The following ZMPSTE24 variants were observed in gnomAD, a reference collection of about 807,000 sequenced individuals.
ZMPSTE24 encodes CAAX prenyl protease 1 homolog.
A neutral mutation model predicts 56.7 loss-of-function variants in ZMPSTE24; 48 were observed. That is an observed-to-expected ratio of 0.85 (90% CI 0.67 to 1.08). ZMPSTE24 has a LOEUF of 1.08. ZMPSTE24 is among the 50% of genes least tolerant of loss of function. ZMPSTE24 has a pLI of 0.00. For missense variants in ZMPSTE24, 503 were observed against 548.7 expected, an observed-to-expected ratio of 0.92 and a Z score of 0.83; for synonymous variants, 172 against 195.2, an observed-to-expected ratio of 0.88 and a Z score of 0.99.
chr1:40,285,784 A>C, intron 7 of ZMPSTE24, 141 bp from the exon 8 acceptor site: 1 of 646,868 alleles, frequency 1.5e-6, no homozygotes, highest in Non-Finnish European at 2.7e-6. Flanking sequence ...GGTTCAGGGA[A>C]TGTTTTGTTA....
chr1:40,260,079 T>A (rs1276454587), intron 1 of ZMPSTE24, among the ~76,000 whole-genome samples: 2 of 147,380 alleles, frequency 1.4e-5, no homozygotes, highest in African/African-American at 2.5e-5. Flanking sequence ...TTTTTTTTTT[T>A]AAGGAGATAG....
At chr1:40,284,019 A>G (rs1569656028) in intron 7 of ZMPSTE24, among the ~76,000 whole-genome samples, 3 of 145,462 alleles carry the variant, frequency 2.1e-5, no homozygotes, top group Admixed American at 6.9e-5. Flanking sequence ...GCTCATTGCA[A>G]CCTCCTCCCG....
chr1:40,287,107 T>C lies in ZMPSTE24; in HGVS notation c.1059+1078T>C, dbSNP rs146848562. Among the ~76,000 whole-genome samples the C allele has an allele frequency of 4.2e-3, 634 of 151,184 alleles. 8 individuals carry two copies. The highest frequency in any genetic ancestry group is 0.015 in the African/African-American group (618 of 41,238). ...TTTGAAATGGGGTCTCTCTCTGTCG[T>C]CCAGGCTAGAATGCAGTGGCGTGAT... On this transcript the variant is annotated intron_variant, in intron 8 of 9. Coordinates refer to ENST00000372759, the MANE Select transcript of ZMPSTE24 (RefSeq NM_005857.5).
chr1:40,288,243 TG>T (rs747364707), intron 8 of ZMPSTE24, among the ~76,000 whole-genome samples: 2 of 152,224 alleles, frequency 1.3e-5, no homozygotes, highest in Non-Finnish European at 2.9e-5. Flanking sequence ...TGTGAACTCC[TG>T]TGGGCACTTT....
intron 2 of ZMPSTE24, among the ~76,000 whole-genome samples, chr1:40,262,333 T>TGCTCTCAA (rs1643505540): frequency 6.6e-6 from 1 of 152,210 alleles, no homozygotes; most frequent in Non-Finnish European, 1.5e-5. Context: ...TTAGAAAAAT[T>TGCTCTCAA]AATAAATGAT....
chr1:40,260,769 A>T (rs879468471), intron 1 of ZMPSTE24, 70 bp from the exon 2 acceptor site: 4 of 1,521,218 alleles, frequency 2.6e-6, no homozygotes, highest in Middle Eastern at 3.4e-4. Context: ...AAACCATTCG[A>T]TGTTTGATCA....
chr1:40,290,547 G>T, intron 8 of ZMPSTE24: 1 of 250,334 alleles, frequency 4.0e-6, no homozygotes, highest in Non-Finnish European at 7.3e-6. Flanking sequence ...TGCAAGCTCC[G>T]CCTCCCGGGT....
rs1569673664 is a variant in ZMPSTE24 at position 40,293,600 on chromosome 1, A to C, written c.*931A>C. On this transcript the variant is annotated 3_prime_UTR_variant, in exon 10 of 10. Coordinates refer to ENST00000372759, the MANE Select transcript of ZMPSTE24 (RefSeq NM_005857.5). ...GATGAATCTCTGTGACATTACAGGGAAAAAAATATAGTTTTCTATCTCTTT... is the reference window on the plus strand; with the variant it reads ...GATGAATCTCTGTGACATTACAGGGCAAAAAATATAGTTTTCTATCTCTTT... The C allele has an allele frequency of 6.6e-6, 1 of 152,160 alleles. No individual in the cohort carries two copies. The highest frequency in any genetic ancestry group is 2.1e-4 in the South Asian group (1 of 4,832). 9.4% of individuals were successfully genotyped at this position (152,160 alleles called of 1,614,324 possible). A position where few individuals can be genotyped will look rare whatever the true frequency, so the allele number is the denominator to read the frequency against.
rs772706093 is a variant in ZMPSTE24, at chr1:40,258,244, C to G, written c.-28C>G. On this transcript the variant is annotated 5_prime_UTR_variant, in exon 1 of 10. Transcript: ENST00000372759. ...AGTGTCGGTGTGGCACCGGTGCACGCTGAAGGAGCCGGCGGAACCGGGTGG... is the reference window on the plus strand; with the variant it reads ...AGTGTCGGTGTGGCACCGGTGCACGGTGAAGGAGCCGGCGGAACCGGGTGG... 2.7e-5 allele frequency: 43 copies of G among 1,611,942 alleles called. No homozygotes were observed. In the Admixed American group the frequency reaches 6.7e-4, roughly 25 times the overall value.
At chr1:40,284,927 C>CTTTT (rs201590300) in intron 7 of ZMPSTE24, among the ~76,000 whole-genome samples, 2 of 126,976 alleles carry the variant, frequency 1.6e-5, no homozygotes, top group African/African-American at 3.0e-5. Context: ...AACATCATCC[C>CTTTT]TTTTTTTTTT....
rs913224817 is a variant in ZMPSTE24, at chr1:40,283,918, TTATTG to T, written c.955-2001_955-1997del. ...AATTCCCTCATCATCTTCCAATCCTTTATTGTATTGAACTTTCTTTCTTTTTTTTT... is the reference window on the plus strand; with the variant it reads ...AATTCCCTCATCATCTTCCAATCCTTTATTGAACTTTCTTTCTTTTTTTTT... On this transcript the variant is annotated intron_variant, in intron 7 of 9. Coordinates refer to ENST00000372759, the MANE Select transcript of ZMPSTE24 (RefSeq NM_005857.5). Among the ~76,000 whole-genome samples, 12 of 151,640 alleles carry T rather than the reference TTATTG, an allele frequency of 7.9e-5. 1 individual carries two copies. Among genetic ancestry groups the T allele is most frequent in the East Asian group, 3.9e-4 (2 of 5,172 alleles).
intron 6 of ZMPSTE24, among the ~76,000 whole-genome samples, chr1:40,276,827 A>G (rs930950585): frequency 2.0e-5 from 3 of 152,222 alleles, no homozygotes; most frequent in Admixed American, 6.5e-5. Flanking sequence ...GCGTGTTACT[A>G]TACTGAATAC....
intron 9 of ZMPSTE24, among the ~76,000 whole-genome samples, chr1:40,291,827 T>C (rs971905853): frequency 1.3e-5 from 2 of 151,410 alleles, no homozygotes; most frequent in African/African-American, 4.9e-5. Flanking sequence ...TGAGATGTAT[T>C]ATCTTAAAAC....
In ZMPSTE24 at chr1:40,281,285, TCCAAAGGACCCC is replaced by T. The variant is rs1159249499; in HGVS notation, c.770-57_770-46del. On this transcript the variant is annotated intron_variant, in intron 6 of 9. Coordinates refer to ENST00000372759, the MANE Select transcript of ZMPSTE24 (RefSeq NM_005857.5). ...CAGTAATTCAATTTCTAGGAGTCTCTCCAAAGGACCCCAAACTTTTTAATTATATTCCATGCT... is the reference window on the plus strand; with the variant it reads ...CAGTAATTCAATTTCTAGGAGTCTCTAAACTTTTTAATTATATTCCATGCT... 3 of 1,560,218 alleles carry T rather than the reference TCCAAAGGACCCC, an allele frequency of 1.9e-6. No homozygotes were observed. The African/African-American group carries it at 4.1e-5, about 21-fold the overall frequency.
intron 2 of ZMPSTE24, among the ~76,000 whole-genome samples, chr1:40,261,607 A>G (rs7514099): frequency 0.25 from 38,349 of 152,094 alleles, 4,975 homozygotes; most frequent in African/African-American, 0.27. Context: ...GAAATAGTTA[A>G]GTCTTGTTCA....
At chr1:40,282,293 TTGAC>T (rs770738749) in intron 7 of ZMPSTE24, among the ~76,000 whole-genome samples, 27 of 152,264 alleles carry the variant, frequency 1.8e-4, no homozygotes, top group Admixed American at 2.6e-4. Context: ...GTGGATAAGA[TTGAC>T]TGATATTGAT....
chr1:40,276,763 G>T (rs1378663083), intron 6 of ZMPSTE24, among the ~76,000 whole-genome samples: 1 of 152,150 alleles, frequency 6.6e-6, no homozygotes, highest in Non-Finnish European at 1.5e-5. Context: ...GTTACCTACT[G>T]CACACCTAGG....
intron 6 of ZMPSTE24, among the ~76,000 whole-genome samples, chr1:40,280,048 A>G (rs1371947717): frequency 6.6e-6 from 1 of 152,000 alleles, no homozygotes; most frequent in Non-Finnish European, 1.5e-5. Context: ...CTTCAAAACA[A>G]TGATTTTTTT....
At chr1:40,268,571 T>TG in intron 4 of ZMPSTE24, 36 bp downstream of exon 4, 1 of 1,372,324 alleles carries the variant, frequency 7.3e-7, no homozygotes, top group Non-Finnish European at 1.0e-6. Context: ...CTTTTAAATG[T>TG]GAAAAACTTC....
Sources: allele counts gnomAD v4.1 joint callset (sites outside exome capture counted in the v4.1 genomes callset), GRCh38; gene constraint gnomAD v4.1.1; transcripts MANE v1.5; gene names NCBI Gene and HGNC (gene_info 2026-07-23, HGNC 2026-07-21).